TUBGCP3: variants seen among roughly 807,000 people sequenced by gnomAD.
The protein encoded by TUBGCP3 is tubulin gamma complex component 3.
In TUBGCP3, 50 loss-of-function variants were observed where a neutral mutation model predicts 123.1. That is an observed-to-expected ratio of 0.41 (90% CI 0.32 to 0.51). TUBGCP3 has a LOEUF of 0.51. Ranked by LOEUF, TUBGCP3 falls within the 20% of genes least tolerant of loss-of-function variation. The pLI is 0.36. For missense variants in TUBGCP3, 882 were observed against 1,127.0 expected (o/e 0.78, Z 3.11); for synonymous variants, 405 against 413.9 (o/e 0.98, Z 0.26).
chr13:112,520,279 A>G (rs1209929251), intron 14 of TUBGCP3, among the ~76,000 whole-genome samples: 1 of 152,216 alleles, frequency 6.6e-6, no homozygotes, highest in Admixed American at 6.5e-5. Flanking sequence ...TTGTAATCCC[A>G]GCACTTTGGG....
intron 11 of TUBGCP3, among the ~76,000 whole-genome samples, chr13:112,530,437 A>C (rs1313804088): frequency 6.6e-6 from 1 of 152,250 alleles, no homozygotes; most frequent in Non-Finnish European, 1.5e-5. Context: ...TCGCATATAC[A>C]ACTGACCCTT....
At chr13:112,501,443 A>T (rs1880899718) in intron 19 of TUBGCP3, among the ~76,000 whole-genome samples, 1 of 152,212 alleles carries the variant, frequency 6.6e-6, no homozygotes, top group South Asian at 2.1e-4. Context: ...CACCTGCAGG[A>T]GGCCATTCTT....
chr13:112,583,096 T>C (rs150063411), intron 1 of TUBGCP3, among the ~76,000 whole-genome samples: 456 of 152,328 alleles, frequency 3.0e-3, no homozygotes, highest in African/African-American at 0.01. Context: ...TCGATGATAG[T>C]GAGCAAACTA....
intron 1 of TUBGCP3, among the ~76,000 whole-genome samples, chr13:112,576,279 C>CTCTATAAAGG (rs1881802280): frequency 2.6e-5 from 4 of 152,120 alleles, no homozygotes; most frequent in African/African-American, 4.8e-5. Context: ...TCCTAGAAAT[C>CTCTATAAAGG]TCTCGGGGAA....
At chr13:112,546,078 G>A (rs1878962381) in intron 10 of TUBGCP3, 2 of 507,398 alleles carry the variant, frequency 3.9e-6, no homozygotes, top group South Asian at 3.3e-5. Context: ...TTACACAAGT[G>A]TGTGAGTCAC....
At chr13:112,594,735 G>C in the TUBGCP3 span, among the ~76,000 whole-genome samples, 1 of 152,176 alleles carries the variant, frequency 6.6e-6, no homozygotes, top group African/African-American at 2.4e-5. Context: ...CTGCTTTGCT[G>C]AGCTTTTGAA....
rs1566600229 is a variant in TUBGCP3, at chr13:112,588,097, A to G, written c.-117T>C. 1.1e-6 allele frequency: 1 copy of G among 938,526 alleles called. No individual in the cohort carries two copies. Among genetic ancestry groups the G allele is most frequent in the African/African-American group, 1.7e-5 (1 of 57,746 alleles). The allele number at this position is 938,526 out of a possible 1,614,324, so 58.1% of individuals were successfully genotyped here. On this transcript the variant is annotated 5_prime_UTR_variant, in exon 1 of 22. Coordinates refer to ENST00000261965, the MANE Select transcript of TUBGCP3 (RefSeq NM_006322.6). ...CAAGCTCCCTGCTCCTGACAGGCTA[A>G]GGCGCGGGCGCCGCCGGCCACCAGG... is the stretch of plus-strand genomic sequence containing the variant.
chr13:112,569,769 A>C (rs1017559585), intron 1 of TUBGCP3, among the ~76,000 whole-genome samples: 4 of 152,234 alleles, frequency 2.6e-5, no homozygotes, highest in African/African-American at 9.6e-5. Context: ...AGTTTTTAAA[A>C]CTAAAAGCAT....
chr13:112,504,253 C>T (rs1395295915), intron 18 of TUBGCP3, 90 bp from the exon 19 acceptor site: 15 of 1,514,038 alleles, frequency 9.9e-6, no homozygotes, highest in South Asian at 3.7e-5. Flanking sequence ...TATGGGAGGC[C>T]GAGGCGGGCA....
intron 20 of TUBGCP3, among the ~76,000 whole-genome samples, chr13:112,490,814 C>T (rs966868914): frequency 6.6e-6 from 1 of 152,132 alleles, no homozygotes; most frequent in Admixed American, 6.5e-5. Flanking sequence ...ACCATCGGTG[C>T]GTTTGGGAGT....
chr13:112,555,982 C>A lies in TUBGCP3; in HGVS notation c.721+70G>T. On this transcript the variant is annotated intron_variant, in intron 6 of 21. Coordinates refer to ENST00000261965, the MANE Select transcript of TUBGCP3 (RefSeq NM_006322.6). ...TTTGAGGTGGGGCTCCTGGGCTGTA[C>A]TTTAAAATAAGGAGAGGCTGAATTC... 3.3e-6 allele frequency: 5 copies of A among 1,531,540 alleles called. No individual in the cohort carries two copies. The South Asian group carries it at 3.8e-5, about 12-fold the overall frequency. 94.9% of individuals were successfully genotyped at this position (1,531,540 alleles called of 1,614,324 possible).
chr13:112,505,780 C>T (rs894211934), intron 17 of TUBGCP3, among the ~76,000 whole-genome samples: 2 of 152,278 alleles, frequency 1.3e-5, no homozygotes, highest in African/African-American at 4.8e-5. Context: ...ATTGTATGAA[C>T]GCTGTCTGAA....
chr13:112,587,857 C>CA (rs759244455), intron 1 of TUBGCP3, 48 bp downstream of exon 1: 2 of 1,526,376 alleles, frequency 1.3e-6, no homozygotes, highest in African/African-American at 2.8e-5. Flanking sequence ...GCGCAGGGAG[C>CA]AGCCCCCGGG....
In TUBGCP3 at chr13:112,569,170, C is replaced by T; in HGVS notation, c.166G>A (p.Glu56Lys). ...TACGTACGCTCTTTCTTGATTTTTT[C>T]AGCTACTAAAAATTCATCTCTTTCA... The part of the protein sequence containing the change: ...TVERDEFLVA[E>K]KIKKELIRQR... The change falls in exon 2 of 22, where the codon GAA (glutamate) becomes AAA (lysine). Residue 56 changes from glutamate (E) to lysine (K), a missense_variant. Transcript: ENST00000261965. 6.2e-7 allele frequency: 1 copy of T among 1,614,050 alleles called. No individual in the cohort carries two copies. The highest frequency in any genetic ancestry group is 8.5e-7 in the Non-Finnish European group (1 of 1,180,012).
the TUBGCP3 span, among the ~76,000 whole-genome samples, chr13:112,595,033 C>A: frequency 6.6e-6 from 1 of 152,186 alleles, no homozygotes; most frequent in East Asian, 1.9e-4. Flanking sequence ...TGTTGTTGAT[C>A]GCCATGTTCT....
intron 16 of TUBGCP3, among the ~76,000 whole-genome samples, 160 bp downstream of exon 16, chr13:112,518,815 C>G (rs777650680): frequency 8.5e-5 from 13 of 152,156 alleles, no homozygotes; most frequent in Non-Finnish European, 1.6e-4. Flanking sequence ...ATTTAAAACA[C>G]ACACACAATT....
At chr13:112,532,476 G>A (rs1877661992) in intron 11 of TUBGCP3, among the ~76,000 whole-genome samples, 1 of 152,196 alleles carries the variant, frequency 6.6e-6, no homozygotes, top group African/African-American at 2.4e-5. Context: ...ATTTTAACTT[G>A]ACCCATCTTT....
chr13:112,512,938 G>C (rs2139035885), intron 17 of TUBGCP3, among the ~76,000 whole-genome samples: 1 of 152,292 alleles, frequency 6.6e-6, no homozygotes, highest in African/African-American at 2.4e-5. Context: ...ACTTCTATTA[G>C]AACCTGACTA....
At chr13:112,576,004 T>C (rs1355220480) in intron 1 of TUBGCP3, among the ~76,000 whole-genome samples, 1 of 152,356 alleles carries the variant, frequency 6.6e-6, no homozygotes, top group East Asian at 1.9e-4. Flanking sequence ...ATAAACGAAC[T>C]AATTTGTAAT....
Sources: gnomAD v4.1 joint callset for allele counts (sites outside exome capture counted in the v4.1 genomes callset) on GRCh38, gnomAD v4.1.1 for gene constraint, MANE v1.5 for transcripts, NCBI Gene and HGNC (gene_info 2026-07-23, HGNC 2026-07-21) for gene names.